ZNF804B: variants seen among roughly 807,000 people sequenced by gnomAD.
The protein encoded by ZNF804B is zinc finger protein 804B.
ZNF804B carries 80 observed loss-of-function variants against 101.4 expected under a neutral mutation model. The ratio of observed to expected loss-of-function variants is 0.79; its 90% CI spans 0.66 to 0.95. ZNF804B has a LOEUF of 0.95. Among genes scored for constraint, ZNF804B ranks in the 40% least tolerant of loss-of-function variants. The pLI is 0.00. For missense variants in ZNF804B, 1,673 were observed against 1,561.9 expected (o/e 1.07, Z -1.20); for synonymous variants, 622 against 558.8 (o/e 1.11, Z -1.59).
intron 1 of ZNF804B, among the ~76,000 whole-genome samples, chr7:89,121,994 A>G (rs1418467865): frequency 6.6e-6 from 1 of 151,898 alleles, no homozygotes; most frequent in African/African-American, 2.4e-5. Context: ...GTGCTAATTT[A>G]AAATTTATGT....
At chr7:89,233,146 T>G (rs993171463) in intron 2 of ZNF804B, among the ~76,000 whole-genome samples, 1 of 152,150 alleles carries the variant, frequency 6.6e-6, no homozygotes, top group East Asian at 1.9e-4. Flanking sequence ...CAGGATGGTC[T>G]CCATCTCCTG....
At chr7:89,017,446 C>G (rs1788586637) in intron 1 of ZNF804B, among the ~76,000 whole-genome samples, 1 of 152,104 alleles carries the variant, frequency 6.6e-6, no homozygotes, top group Admixed American at 6.6e-5. Flanking sequence ...CAGTTTTTGC[C>G]CATTCAGTAT....
intron 2 of ZNF804B, among the ~76,000 whole-genome samples, chr7:89,257,281 A>T (rs981455369): frequency 2.6e-4 from 40 of 152,274 alleles, no homozygotes; most frequent in Non-Finnish European, 4.6e-4. Flanking sequence ...CGAATTTTTT[A>T]AAATATGCTT....
chr7:89,143,141 A>G (rs556886065), intron 1 of ZNF804B, among the ~76,000 whole-genome samples: 3 of 151,996 alleles, frequency 2.0e-5, no homozygotes, highest in East Asian at 1.9e-4. Flanking sequence ...GTTTTTACCC[A>G]TAATTTGTTA....
intron 1 of ZNF804B, among the ~76,000 whole-genome samples, chr7:88,965,589 A>G (rs1793442386): frequency 6.6e-6 from 1 of 151,558 alleles, no homozygotes; most frequent in East Asian, 2.0e-4. Context: ...TTGAAAACAG[A>G]TGGCCCATCT....
chr7:89,220,050 T>C lies in ZNF804B; in HGVS notation c.249+1755T>C, dbSNP rs1475318231. 1.5e-5 allele frequency among the ~76,000 whole-genome samples: 2 copies of C among 131,498 alleles called. 1 individual carries two copies. The highest frequency in any genetic ancestry group is 4.5e-4 in the South Asian group (2 of 4,446). The allele number at this position is 131,498 out of a possible 152,430, so 86.3% of individuals were successfully genotyped here. A position where few individuals can be genotyped will look rare whatever the true frequency, so the allele number is the denominator to read the frequency against. On this transcript the variant is annotated intron_variant, in intron 2 of 3. Coordinates refer to ENST00000333190, the MANE Select transcript of ZNF804B (RefSeq NM_181646.5). ...ATATATACGCACATATATGTGCATA[T>C]ATACATATATACGCACATATATGTG...
intron 1 of ZNF804B, among the ~76,000 whole-genome samples, chr7:89,129,356 T>C (rs938402446): frequency 6.6e-6 from 1 of 152,054 alleles, no homozygotes. Flanking sequence ...AGTCCAAAAT[T>C]AAAATCAATG....
intron 1 of ZNF804B, among the ~76,000 whole-genome samples, chr7:89,016,818 G>A (rs1005587163): frequency 7.2e-5 from 11 of 152,084 alleles, no homozygotes; most frequent in South Asian, 6.2e-4. Context: ...TTGGCGATGC[G>A]GGCTCCTTTT....
intron 1 of ZNF804B, among the ~76,000 whole-genome samples, chr7:88,882,030 A>G (rs1311821437): frequency 6.6e-6 from 1 of 152,194 alleles, no homozygotes; most frequent in East Asian, 1.9e-4. Context: ...ACAAAGCTGT[A>G]ACTCTGAGTC....
chr7:89,041,351 G>A (rs1789014851), intron 1 of ZNF804B, among the ~76,000 whole-genome samples: 1 of 152,152 alleles, frequency 6.6e-6, no homozygotes, highest in Admixed American at 6.5e-5. Context: ...CTGGTGCCAG[G>A]GAACCACAAG....
intron 2 of ZNF804B, among the ~76,000 whole-genome samples, chr7:89,224,699 T>C (rs1789054951): frequency 6.8e-6 from 1 of 147,200 alleles, no homozygotes; most frequent in Non-Finnish European, 1.5e-5. Flanking sequence ...TAAACCAATA[T>C]TTCTGGCAAA....
intron 1 of ZNF804B, among the ~76,000 whole-genome samples, chr7:88,867,375 C>T (rs1167053162): frequency 2.0e-5 from 3 of 152,176 alleles, no homozygotes; most frequent in African/African-American, 7.2e-5. Flanking sequence ...GGATGAAAGC[C>T]ACAGAGTCCA....
At chr7:88,896,243 CA>C (rs535297629) in intron 1 of ZNF804B, among the ~76,000 whole-genome samples, 2 of 152,106 alleles carry the variant, frequency 1.3e-5, no homozygotes, top group Non-Finnish European at 1.5e-5. Context: ...GGTAATTTAT[CA>C]AGATGGATTC....
chr7:88,776,581 T>C (rs1007405759), intron 1 of ZNF804B, among the ~76,000 whole-genome samples: 19 of 147,728 alleles, frequency 1.3e-4, no homozygotes, highest in Admixed American at 2.0e-4. Context: ...TTTTTTTTTT[T>C]CAGAGCAAAT....
At chr7:88,988,975 C>T (rs904143010) in intron 1 of ZNF804B, among the ~76,000 whole-genome samples, 3 of 151,932 alleles carry the variant, frequency 2.0e-5, no homozygotes, top group Non-Finnish European at 4.4e-5. Flanking sequence ...CCAGATCACA[C>T]CCTCAGATAT....
chr7:88,807,446 T>C (rs1005690444), intron 1 of ZNF804B, among the ~76,000 whole-genome samples: 1 of 152,238 alleles, frequency 6.6e-6, no homozygotes, highest in African/African-American at 2.4e-5. Flanking sequence ...TCTTGAATGC[T>C]TTGTGTTACG....
intron 1 of ZNF804B, among the ~76,000 whole-genome samples, chr7:88,793,820 A>T (rs1439144146): frequency 1.3e-5 from 2 of 152,154 alleles, no homozygotes; most frequent in African/African-American, 4.8e-5. Flanking sequence ...TCTGCTATGT[A>T]GTAGTGACTG....
intron 1 of ZNF804B, among the ~76,000 whole-genome samples, chr7:88,767,337 A>G (rs1048368745): frequency 6.6e-6 from 1 of 152,292 alleles, no homozygotes; most frequent in African/African-American, 2.4e-5. Context: ...TCCCACAGCT[A>G]TTACTCAGCA....
chr7:88,961,623 T>A (rs1584040777), intron 1 of ZNF804B, among the ~76,000 whole-genome samples: 1 of 151,414 alleles, frequency 6.6e-6, no homozygotes, highest in East Asian at 2.0e-4. Context: ...GAAGAGCTCA[T>A]GAGATTGAGT....
Sources: gnomAD v4.1 joint callset for allele counts (sites outside exome capture counted in the v4.1 genomes callset) on GRCh38, gnomAD v4.1.1 for gene constraint, MANE v1.5 for transcripts, NCBI Gene and HGNC (gene_info 2026-07-23, HGNC 2026-07-21) for gene names.